NRCAM: variants seen among roughly 807,000 people sequenced by gnomAD.
NRCAM encodes the protein neuronal cell adhesion molecule.
A neutral mutation model predicts 156.5 loss-of-function variants in NRCAM; 83 were observed. The ratio of observed to expected loss-of-function variants is 0.53; its 90% CI spans 0.44 to 0.64. The LOEUF is 0.64. Among genes scored for constraint, NRCAM ranks in the 30% least tolerant of loss-of-function variants. The pLI is 0.00. For synonymous variants in NRCAM, 538 were observed against 563.9 expected (o/e 0.95, Z 0.65); for missense variants, 1,417 against 1,597.3 (o/e 0.89, Z 1.92).
intron 26 of NRCAM, among the ~76,000 whole-genome samples, chr7:108,177,416 G>A (rs1433861924): frequency 6.6e-6 from 1 of 152,042 alleles, no homozygotes; most frequent in African/African-American, 2.4e-5. Context: ...GAGGTCAGGA[G>A]ATCAAGACCA....
rs11980052 is a variant in NRCAM at position 108,378,979 on chromosome 7, C to T, written c.-174+20457G>A. Among the ~76,000 whole-genome samples, 803 of 152,138 alleles carry T rather than the reference C, an allele frequency of 5.3e-3. 10 individuals are homozygous for T. Among genetic ancestry groups the T allele is most frequent in the African/African-American group, 0.018 (761 of 41,508 alleles). On this transcript the variant is annotated intron_variant, in intron 2 of 32. Transcript: ENST00000379028. ...AGGTACAGCTAGCTGAACCTGAAATCCTGACATTAAGCTGAAAGGCTAATG... is the reference window on the plus strand; with the variant it reads ...AGGTACAGCTAGCTGAACCTGAAATTCTGACATTAAGCTGAAAGGCTAATG...
chr7:108,298,080 A>G (rs2098487071), intron 3 of NRCAM, among the ~76,000 whole-genome samples: 1 of 152,210 alleles, frequency 6.6e-6, no homozygotes, highest in Non-Finnish European at 1.5e-5. Context: ...AGAAACAGTA[A>G]AACACCCAGA....
intron 3 of NRCAM, among the ~76,000 whole-genome samples, chr7:108,301,824 T>C (rs2098623698): frequency 6.6e-6 from 1 of 152,190 alleles, no homozygotes; most frequent in African/African-American, 2.4e-5. Context: ...GCATTCATTA[T>C]GGTGAATTTG....
At chr7:108,454,251 C>T in intron 1 of NRCAM, among the ~76,000 whole-genome samples, 1 of 152,078 alleles carries the variant, frequency 6.6e-6, no homozygotes, top group Non-Finnish European at 1.5e-5. Flanking sequence ...TGCAGAGCTC[C>T]GAATTAAATG....
intron 8 of NRCAM, among the ~76,000 whole-genome samples, 160 bp from the exon 9 acceptor site, chr7:108,226,538 A>G (rs1212103776): frequency 1.3e-5 from 2 of 152,076 alleles, no homozygotes; most frequent in Admixed American, 6.5e-5. Flanking sequence ...TGTAAAAAAA[A>G]AAAAAAAAAT....
At chr7:108,442,827 C>T (rs554791500) in intron 1 of NRCAM, among the ~76,000 whole-genome samples, 2 of 152,324 alleles carry the variant, frequency 1.3e-5, no homozygotes, top group South Asian at 4.1e-4. Flanking sequence ...ACTCTCTGCT[C>T]CTGTCTAGGG....
intron 11 of NRCAM, among the ~76,000 whole-genome samples, chr7:108,213,936 G>A (rs1237511420): frequency 2.0e-5 from 3 of 152,158 alleles, no homozygotes; most frequent in African/African-American, 4.8e-5. Context: ...TTGCATCCCA[G>A]GGATGAAGCC....
chr7:108,167,771 T>A (rs2055643023), intron 29 of NRCAM, among the ~76,000 whole-genome samples: 1 of 152,148 alleles, frequency 6.6e-6, no homozygotes, highest in Non-Finnish European at 1.5e-5. Flanking sequence ...CTACGAAGAG[T>A]GCCTGACTTG....
intron 20 of NRCAM, among the ~76,000 whole-genome samples, chr7:108,185,667 C>T (rs1325974867): frequency 3.4e-5 from 5 of 147,880 alleles, no homozygotes; most frequent in African/African-American, 1.2e-4. Context: ...TGCAGTGAAC[C>T]ATGATCAAGC....
At chr7:108,396,896 A>G (rs1246205073) in intron 2 of NRCAM, among the ~76,000 whole-genome samples, 1 of 152,206 alleles carries the variant, frequency 6.6e-6, no homozygotes, top group Non-Finnish European at 1.5e-5. Context: ...AAAGGCTGCC[A>G]AAAACAAAAT....
chr7:108,180,192 C>G, intron 25 of NRCAM, 31 bp downstream of exon 25: 4 of 1,602,034 alleles, frequency 2.5e-6, no homozygotes, highest in Middle Eastern at 3.8e-4. Flanking sequence ...CCATATGTTC[C>G]TGAGATCTTA....
At chr7:108,268,624 GTGGGGGGGGGTT>G (rs2097199579) in intron 3 of NRCAM, among the ~76,000 whole-genome samples, 3 of 98,286 alleles carry the variant, frequency 3.1e-5, no homozygotes, top group Admixed American at 9.8e-5. Context: ...GGGGGTGGGG[GTGGGGGGGGGTT>G]GGGGGGGGCG....
chr7:108,223,878 T>C (rs1042782554), intron 10 of NRCAM, 42 bp from the exon 11 acceptor site: 13 of 924,676 alleles, frequency 1.4e-5, no homozygotes, highest in African/African-American at 6.5e-5. Flanking sequence ...CTTATAAATA[T>C]GTATTTCTAT....
intron 15 of NRCAM, among the ~76,000 whole-genome samples, chr7:108,195,255 G>A (rs1368196011): frequency 6.6e-6 from 1 of 152,088 alleles, no homozygotes; most frequent in Non-Finnish European, 1.5e-5. Flanking sequence ...CTGCTAAATA[G>A]ATTATACACA....
chr7:108,255,909 G>T (rs1163318833), intron 3 of NRCAM, among the ~76,000 whole-genome samples: 2 of 149,168 alleles, frequency 1.3e-5, no homozygotes, highest in African/African-American at 5.0e-5. Flanking sequence ...CCCCGTCCGG[G>T]AGGTGGGGGG....
intron 2 of NRCAM, among the ~76,000 whole-genome samples, chr7:108,391,581 G>T (rs1163538618): frequency 6.6e-6 from 1 of 151,978 alleles, no homozygotes. Flanking sequence ...TACATTTAAG[G>T]TTAATATTGT....
At chr7:108,341,299 T>C (rs2099274309) in intron 2 of NRCAM, among the ~76,000 whole-genome samples, 1 of 152,162 alleles carries the variant, frequency 6.6e-6, no homozygotes, top group Non-Finnish European at 1.5e-5. Context: ...TGCTTGACCA[T>C]TGAGGGCCAG....
chr7:108,385,770 A>G (rs997993374), intron 2 of NRCAM, among the ~76,000 whole-genome samples: 7 of 152,164 alleles, frequency 4.6e-5, no homozygotes, highest in African/African-American at 1.7e-4. Flanking sequence ...GAAATTGCGT[A>G]TTTGAATGGA....
At chr7:108,318,419 T>C (rs1192828953) in intron 2 of NRCAM, among the ~76,000 whole-genome samples, 1 of 152,064 alleles carries the variant, frequency 6.6e-6, no homozygotes, top group Admixed American at 6.5e-5. Context: ...ATAATCAACA[T>C]GGTGAAATAA....
Sources: allele counts gnomAD v4.1 joint callset (sites outside exome capture counted in the v4.1 genomes callset), GRCh38; gene constraint gnomAD v4.1.1; transcripts MANE v1.5; gene names NCBI Gene and HGNC (gene_info 2026-07-23, HGNC 2026-07-21).